JARID2: variants seen among roughly 807,000 people sequenced by gnomAD.
JARID2 encodes the protein protein Jumonji.
In JARID2, 21 loss-of-function variants were observed where a neutral mutation model predicts 125.6. The observed-to-expected ratio is 0.17, with a 90% CI of 0.12 to 0.24. JARID2 has a LOEUF of 0.24. Ranked by LOEUF, JARID2 falls within the 10% of genes least tolerant of loss-of-function variation. JARID2 has a pLI of 1.00. For synonymous variants in JARID2, 736 were observed against 661.6 expected (o/e 1.11, Z -1.73); for missense variants, 1,303 against 1,639.6 (o/e 0.79, Z 3.55).
chr6:15,488,598 C>A (rs940372158), intron 6 of JARID2, among the ~76,000 whole-genome samples: 1 of 152,006 alleles, frequency 6.6e-6, no homozygotes, highest in East Asian at 1.9e-4. Flanking sequence ...TGAAAATACT[C>A]GATTTCGTCT....
At chr6:15,344,157 C>CT (rs1289602490) in intron 1 of JARID2, among the ~76,000 whole-genome samples, 2 of 103,354 alleles carry the variant, frequency 1.9e-5, no homozygotes, top group African/African-American at 7.3e-5. Context: ...GGCTGTGAAA[C>CT]TTACTTTCGT....
At chr6:15,266,696 T>C (rs1760095869) in intron 1 of JARID2, among the ~76,000 whole-genome samples, 2 of 152,236 alleles carry the variant, frequency 1.3e-5, no homozygotes, top group South Asian at 4.1e-4. Flanking sequence ...ACTCTCAATG[T>C]TTAAACATTT....
At chr6:15,270,278 A>G (rs1435986946) in intron 1 of JARID2, among the ~76,000 whole-genome samples, 3 of 152,080 alleles carry the variant, frequency 2.0e-5, no homozygotes, top group Admixed American at 6.6e-5. Context: ...GATTACAGGC[A>G]TTTGCCACCA....
chr6:15,401,129 T>G (rs1765415417), intron 2 of JARID2: 1 of 1,272,684 alleles, frequency 7.9e-7, no homozygotes, highest in Admixed American at 2.4e-5. Flanking sequence ...GGGTCCTGAT[T>G]AAATCCATTG....
intron 1 of JARID2, among the ~76,000 whole-genome samples, chr6:15,318,822 G>T (rs1762259860): frequency 6.6e-6 from 1 of 152,094 alleles, no homozygotes; most frequent in African/African-American, 2.4e-5. Flanking sequence ...TGATCTTGGA[G>T]GGTGGTGTGG....
At chr6:15,258,775 C>T (rs1259645807) in intron 1 of JARID2, among the ~76,000 whole-genome samples, 5 of 152,172 alleles carry the variant, frequency 3.3e-5, no homozygotes, top group African/African-American at 1.2e-4. Flanking sequence ...GAGTAAGATC[C>T]TGTCTCAAAA....
chr6:15,306,333 T>C (rs7767812), intron 1 of JARID2, among the ~76,000 whole-genome samples: 3,647 of 127,586 alleles, frequency 0.029, 181 homozygotes, highest in African/African-American at 0.11. Flanking sequence ...TATTTCTTTT[T>C]TTTTTTTTTT....
chr6:15,378,469 A>G (rs1183724447), intron 2 of JARID2, among the ~76,000 whole-genome samples: 1 of 152,070 alleles, frequency 6.6e-6, no homozygotes, highest in African/African-American at 2.4e-5. Flanking sequence ...GGACAGTGAC[A>G]TGCCTCTGAG....
rs1312993790 is a variant in JARID2, at chr6:15,520,818, C to T, written c.*567C>T. 2.2e-6 allele frequency: 1 copy of T among 455,764 alleles called. No individual in the cohort carries two copies. Among genetic ancestry groups the T allele is most frequent in the Non-Finnish European group, 4.4e-6 (1 of 226,766 alleles). The allele number at this position is 455,764 out of a possible 1,614,324, so 28.2% of individuals were successfully genotyped here. ...TTGTTTCTCTGGGCGGTTGTGGCAG[C>T]TGAAGGCGGACGTTGTTTCCTAACC... On this transcript the variant is annotated 3_prime_UTR_variant, in exon 18 of 18. Coordinates refer to ENST00000341776, the MANE Select transcript of JARID2 (RefSeq NM_004973.4).
chr6:15,250,810 G>A (rs1759416764), intron 1 of JARID2, among the ~76,000 whole-genome samples: 1 of 152,056 alleles, frequency 6.6e-6, no homozygotes, highest in Non-Finnish European at 1.5e-5. Flanking sequence ...AAGTGCCTTG[G>A]AAATAACTCC....
At chr6:15,499,593 C>T (rs545015734) in intron 7 of JARID2, among the ~76,000 whole-genome samples, 3 of 152,154 alleles carry the variant, frequency 2.0e-5, no homozygotes, top group Non-Finnish European at 4.4e-5. Context: ...ACAGTACCCA[C>T]CTGCCCTCGG....
chr6:15,496,608 A>C lies in JARID2; in HGVS notation c.1383A>C (p.Lys461Asn). ...CGCAGTCGCCCCCCAAGAAGATGAA[A>C]GGGGCGGCTGGCCCCGCCGAAGGCC... ...EKPQSPPKKM[K>N]GAAGPAEGPG... The change falls in exon 7 of 18, where the codon AAA becomes AAC. Residue 461 changes from lysine (K) to asparagine (N), a missense_variant. This residue lies in a region of JARID2 where 651 missense variants were observed against 581.6 expected (regional missense o/e 1.12). Transcript: ENST00000341776. 6.2e-7 allele frequency: 1 copy of C among 1,603,588 alleles called. No homozygotes were observed. Among genetic ancestry groups the C allele is most frequent in the Non-Finnish European group, 8.5e-7 (1 of 1,176,548 alleles).
chr6:15,434,144 TTTTTTTA>T (rs1358050511), intron 3 of JARID2, among the ~76,000 whole-genome samples: 1 of 152,122 alleles, frequency 6.6e-6, no homozygotes, highest in Admixed American at 6.5e-5. Flanking sequence ...TAACAGTTTT[TTTTTTTA>T]TTTTTATTTT....
chr6:15,505,855 G>A (rs929222168), intron 9 of JARID2, among the ~76,000 whole-genome samples: 4 of 152,260 alleles, frequency 2.6e-5, no homozygotes, highest in African/African-American at 9.6e-5. Flanking sequence ...CAGAGCACGC[G>A]TTGCGTTTGT....
At chr6:15,488,297 G>A (rs1769981275) in intron 6 of JARID2, among the ~76,000 whole-genome samples, 1 of 152,226 alleles carries the variant, frequency 6.6e-6, no homozygotes, top group South Asian at 2.1e-4. Context: ...GGGATGAGTA[G>A]TGGGGATAAG....
At chr6:15,333,490 A>G (rs138674398) in intron 1 of JARID2, among the ~76,000 whole-genome samples, 27 of 152,246 alleles carry the variant, frequency 1.8e-4, no homozygotes, top group Middle Eastern at 3.4e-3. Context: ...TTCACTTAGT[A>G]TTATGTTTCT....
intron 1 of JARID2, among the ~76,000 whole-genome samples, chr6:15,290,589 A>G (rs999106870): frequency 6.6e-6 from 1 of 152,132 alleles, no homozygotes; most frequent in Non-Finnish European, 1.5e-5. Flanking sequence ...AATCAATCTC[A>G]TGTGATGAAG....
At chr6:15,359,220 T>G (rs1763706120) in intron 1 of JARID2, among the ~76,000 whole-genome samples, 1 of 152,184 alleles carries the variant, frequency 6.6e-6, no homozygotes, top group African/African-American at 2.4e-5. Flanking sequence ...GGTTGGTAAA[T>G]AAAAACTTTT....
At chr6:15,247,155 T>C (rs1759210565) in intron 1 of JARID2, among the ~76,000 whole-genome samples, 2 of 152,204 alleles carry the variant, frequency 1.3e-5, no homozygotes, top group South Asian at 2.1e-4. Flanking sequence ...TTTGTTGGGA[T>C]TGACTTTAAT....
Sources: allele counts gnomAD v4.1 joint callset (sites outside exome capture counted in the v4.1 genomes callset), GRCh38; gene constraint gnomAD v4.1.1; regional missense constraint gnomAD v4.1.1; transcripts MANE v1.5; gene names NCBI Gene and HGNC (gene_info 2026-07-23, HGNC 2026-07-21).